Variants in UNC5C observed in about 807,000 individuals in gnomAD.
UNC5C encodes the protein netrin receptor UNC5C.
A neutral mutation model predicts 99.8 loss-of-function variants in UNC5C; 47 were observed. That is an observed-to-expected ratio of 0.47 (90% confidence interval 0.37 to 0.60). The LOEUF (loss-of-function observed/expected upper bound fraction) is 0.60, where lower values mean the gene tolerates loss of function less well. UNC5C is among the 20% of genes least tolerant of loss of function. The probability of loss-of-function intolerance (pLI) is 0.00; values close to 1 mark genes in which losing one functional copy is unlikely to be tolerated. For synonymous variants in UNC5C, 487 were observed against 452.2 expected (o/e 1.08, Z -0.98); for missense variants, 1,062 against 1,165.9 (o/e 0.91, Z 1.30).
intron 12 of UNC5C, among the ~76,000 whole-genome samples, chr4:95,187,743 C>A (rs931728859): frequency 6.6e-6 from 1 of 152,180 alleles, no homozygotes; most frequent in African/African-American, 2.4e-5. Context: ...TACCAAGTGC[C>A]ATTTTAAAGA....
chr4:95,423,094 A>G (rs1746366615), intron 1 of UNC5C, among the ~76,000 whole-genome samples: 1 of 152,194 alleles, frequency 6.6e-6, no homozygotes. Flanking sequence ...ACCTTTATTA[A>G]TGCAGACAAA....
intron 1 of UNC5C, among the ~76,000 whole-genome samples, chr4:95,507,718 A>C (rs1262028732): frequency 6.6e-6 from 1 of 151,984 alleles, no homozygotes; most frequent in African/African-American, 2.4e-5. Context: ...AGAGTCACAT[A>C]ATTCTAGTAT....
intron 4 of UNC5C, among the ~76,000 whole-genome samples, chr4:95,266,949 C>A (rs1487366954): frequency 6.6e-6 from 1 of 152,176 alleles, no homozygotes; most frequent in Non-Finnish European, 1.5e-5. Flanking sequence ...ACTCCCCTCT[C>A]ATCTTTATTA....
rs73837546 is a variant in UNC5C at position 95,330,165 on chromosome 4, A to G, written c.346+5245T>C. ...TGTTTCTTGATCTCTATTTTAATCTATTAATCTGTACGTTTTGTCCTCTGC... is the reference window on the plus strand; with the variant it reads ...TGTTTCTTGATCTCTATTTTAATCTGTTAATCTGTACGTTTTGTCCTCTGC... On this transcript the variant is annotated intron_variant, in intron 2 of 15. Transcript: ENST00000453304. Among the ~76,000 whole-genome samples the G allele has an allele frequency of 5.5e-3, 843 of 152,180 alleles. 7 individuals are homozygous for G. The highest frequency in any genetic ancestry group is 0.018 in the African/African-American group (763 of 41,542).
At chr4:95,255,538 G>A (rs1215003419) in intron 4 of UNC5C, among the ~76,000 whole-genome samples, 4 of 152,010 alleles carry the variant, frequency 2.6e-5, no homozygotes, top group Non-Finnish European at 5.9e-5. Context: ...ACATCTTCCA[G>A]GGCTCTCCCA....
Position 95,162,819 on chromosome 4 carries a change from A to G in UNC5C, c.*6415T>C, listed in dbSNP as rs1390489252. On this transcript the variant is annotated 3_prime_UTR_variant, in exon 16 of 16. Transcript: ENST00000453304. ...AAAAGTGTTCCATATCGGAAAAGCCAAGGTTGTCATGTTTTGTTTAAAAAA... is the reference window on the plus strand; with the variant it reads ...AAAAGTGTTCCATATCGGAAAAGCCGAGGTTGTCATGTTTTGTTTAAAAAA... The G allele has an allele frequency of 6.6e-6, 1 of 152,188 alleles. No homozygotes were observed. Among genetic ancestry groups the G allele is most frequent in the Non-Finnish European group, 1.5e-5 (1 of 68,036 alleles). 9.4% of individuals were successfully genotyped at this position (152,188 alleles called of 1,614,324 possible).
At chr4:95,449,590 G>A (rs1747223516) in intron 1 of UNC5C, among the ~76,000 whole-genome samples, 1 of 152,138 alleles carries the variant, frequency 6.6e-6, no homozygotes, top group Non-Finnish European at 1.5e-5. Context: ...ACAGGAATGA[G>A]GAAAACATAA....
At chr4:95,182,221 C>T (rs1396428580) in intron 14 of UNC5C, among the ~76,000 whole-genome samples, 1 of 152,140 alleles carries the variant, frequency 6.6e-6, no homozygotes, top group Non-Finnish European at 1.5e-5. Flanking sequence ...GGGAAATAGC[C>T]AACTGAAGTG....
chr4:95,523,450 G>A (rs1009759913), intron 1 of UNC5C, among the ~76,000 whole-genome samples: 2 of 152,126 alleles, frequency 1.3e-5, no homozygotes, highest in Non-Finnish European at 2.9e-5. Context: ...ATCTCTGCAC[G>A]TAGCAGAAAC....
chr4:95,288,077 T>TATTTATTTA (rs1233667223), intron 3 of UNC5C, among the ~76,000 whole-genome samples: 2 of 149,368 alleles, frequency 1.3e-5, no homozygotes, highest in Non-Finnish European at 3.0e-5. Context: ...TTTATTTATT[T>TATTTATTTA]ATTTATTTAT....
rs554503966 is a variant in UNC5C, at chr4:95,492,213, T to A, written c.124+56521A>T. Among the ~76,000 whole-genome samples, 36 of 151,600 alleles carry A rather than the reference T, an allele frequency of 2.4e-4. 2 individuals carry two copies. In the South Asian group the frequency reaches 6.8e-3, roughly 29 times the overall value. On this transcript the variant is annotated intron_variant, in intron 1 of 15. Coordinates refer to ENST00000453304, the MANE Select transcript of UNC5C (RefSeq NM_003728.4). ...GTTTATTTTATGAATAGCTACACTA[T>A]CTTAATTAATTTATTGTTTTCTTGC...
At chr4:95,426,397 CACA>C (rs1229716795) in intron 1 of UNC5C, among the ~76,000 whole-genome samples, 1 of 152,172 alleles carries the variant, frequency 6.6e-6, no homozygotes, top group Non-Finnish European at 1.5e-5. Context: ...TTCCCTAAGA[CACA>C]ACAATTTTGA....
intron 1 of UNC5C, among the ~76,000 whole-genome samples, chr4:95,397,228 C>A (rs887273078): frequency 6.6e-6 from 1 of 152,154 alleles, no homozygotes; most frequent in Non-Finnish European, 1.5e-5. Flanking sequence ...TTACACAAAA[C>A]AAAAATGTTT....
At chr4:95,379,042 T>C (rs1744984730) in intron 1 of UNC5C, among the ~76,000 whole-genome samples, 1 of 152,170 alleles carries the variant, frequency 6.6e-6, no homozygotes, top group Admixed American at 6.6e-5. Context: ...ATACTAAGGA[T>C]AACTTATTGG....
intron 14 of UNC5C, among the ~76,000 whole-genome samples, chr4:95,177,751 G>C (rs1736429084): frequency 6.6e-6 from 1 of 152,164 alleles, no homozygotes; most frequent in Admixed American, 6.5e-5. Context: ...ACCCAGGCTG[G>C]AGTGCCATGG....
intron 4 of UNC5C, among the ~76,000 whole-genome samples, chr4:95,256,208 C>T (rs1393310476): frequency 6.6e-6 from 1 of 151,136 alleles, no homozygotes; most frequent in East Asian, 2.0e-4. Flanking sequence ...CTCATCCAGT[C>T]TCACACAGAT....
chr4:95,239,793 T>C (rs1739266448), intron 7 of UNC5C, among the ~76,000 whole-genome samples: 1 of 152,242 alleles, frequency 6.6e-6, no homozygotes, highest in Non-Finnish European at 1.5e-5. Flanking sequence ...CTGAATTCGT[T>C]TTGAACAAAT....
At position 95,274,513 on chromosome 4, in the gene UNC5C, C is replaced by A. The variant is rs189684701; in HGVS notation, c.594+3746G>T. Reference sequence around the variant, plus strand: ...ACTCTTGTGCTTCAGCCCTAGGGTCCCCTGTTTTCTTATTGGAAAGGGCTT... The same window carrying A: ...ACTCTTGTGCTTCAGCCCTAGGGTCACCTGTTTTCTTATTGGAAAGGGCTT... On this transcript the variant is annotated intron_variant, in intron 4 of 15. Coordinates refer to ENST00000453304, the MANE Select transcript of UNC5C (RefSeq NM_003728.4). 1.1e-4 allele frequency among the ~76,000 whole-genome samples: 16 copies of A among 152,086 alleles called. No individual in the cohort carries two copies. In the East Asian group the frequency reaches 3.1e-3, roughly 29 times the overall value.
chr4:95,169,325 G>C lies in UNC5C; in HGVS notation c.2705C>G (p.Pro902Arg). ...TGCCAGCATGCTCAGGTTTCCATCT[G>C]GGAAGTTCTGTGCTTCCCAAAGATC... is the stretch of plus-strand genomic sequence containing the variant. ...ILDLWEAQNF[P>R]DGNLSMLAAV... Residue 902 changes from proline to arginine, a missense_variant, in exon 16 of 16, where the codon CCA becomes CGA. Pro to Arg is a moderately radical substitution (Grantham distance 103, BLOSUM62 -2). This residue lies in a region of UNC5C where 810 missense variants were observed against 854.5 expected (regional missense o/e 0.95). Transcript: ENST00000453304. 6.2e-7 allele frequency: 1 copy of C among 1,614,220 alleles called. No homozygotes were observed. The highest frequency in any genetic ancestry group is 8.5e-7 in the Non-Finnish European group (1 of 1,180,048).
Sources: gnomAD v4.1 joint callset for allele counts (sites outside exome capture counted in the v4.1 genomes callset) on GRCh38, gnomAD v4.1.1 for gene constraint, gnomAD v4.1.1 regional missense constraint, MANE v1.5 for transcripts, NCBI Gene and HGNC (gene_info 2026-07-23, HGNC 2026-07-21) for gene names.